ITGA4: variants seen among roughly 807,000 people sequenced by gnomAD.
The protein encoded by ITGA4 is integrin alpha-4.
A neutral mutation model predicts 133.6 loss-of-function variants in ITGA4; 63 were observed. The observed-to-expected ratio is 0.47, with a 90% CI of 0.38 to 0.58. ITGA4 has a LOEUF of 0.58. Ranked by LOEUF, ITGA4 falls within the 20% of genes least tolerant of loss-of-function variation. The pLI, the probability that ITGA4 is intolerant of heterozygous loss-of-function variation, is 0.00. For missense variants in ITGA4, 1,076 were observed against 1,252.7 expected (o/e 0.86, Z 2.13); for synonymous variants, 483 against 438.0 (o/e 1.10, Z -1.28).
At chr2:181,534,407 AG>A (rs1282364643) in intron 26 of ITGA4, 37 bp downstream of exon 26, 2 of 1,178,988 alleles carry the variant, frequency 1.7e-6, no homozygotes, top group Non-Finnish European at 2.5e-6. Context: ...TTAAAATTAT[AG>A]GAAAACACAT....
chr2:181,516,117 T>G lies in ITGA4; in HGVS notation c.1922+4342T>G, dbSNP rs1686601361. On this transcript the variant is annotated intron_variant, in intron 17 of 27. Coordinates refer to ENST00000397033, the MANE Select transcript of ITGA4 (RefSeq NM_000885.6). The surrounding 1 kb of genome is among the most constrained non-coding windows in gnomAD (Gnocchi z 4.0). ...AGATGAACCAACACGACTTCAAGAT[T>G]ACAAATATAATAGAAGGTATTAGCC... is the stretch of plus-strand genomic sequence containing the variant. Among the ~76,000 whole-genome samples the G allele has an allele frequency of 6.6e-6, 1 of 152,048 alleles. No homozygotes were observed. Among genetic ancestry groups the G allele is most frequent in the Non-Finnish European group, 1.5e-5 (1 of 67,976 alleles).
intron 4 of ITGA4, among the ~76,000 whole-genome samples, chr2:181,476,802 A>T (rs1273180649): frequency 6.6e-6 from 1 of 152,188 alleles, no homozygotes; most frequent in African/African-American, 2.4e-5. Flanking sequence ...AAATAACGAG[A>T]TTATGTCCTT....
At chr2:181,467,102 T>A (rs1685436961) in intron 2 of ITGA4, among the ~76,000 whole-genome samples, 1 of 152,196 alleles carries the variant, frequency 6.6e-6, no homozygotes, top group African/African-American at 2.4e-5. Flanking sequence ...CTTGAATGAA[T>A]GACTCTTTAT....
intron 17 of ITGA4, among the ~76,000 whole-genome samples, chr2:181,521,114 A>G (rs993794564): frequency 2.0e-5 from 3 of 152,206 alleles, no homozygotes; most frequent in Admixed American, 2.0e-4. Context: ...TTTTTTATCT[A>G]TCCTCACCTG....
At chr2:181,532,219 G>A (rs1686958789) in intron 25 of ITGA4, among the ~76,000 whole-genome samples, 2 of 152,280 alleles carry the variant, frequency 1.3e-5, no homozygotes, top group African/African-American at 2.4e-5. Context: ...TTTTGCTTAG[G>A]ATTGTCTTGA....
intron 2 of ITGA4, among the ~76,000 whole-genome samples, chr2:181,464,268 T>A (rs1685358823): frequency 6.6e-6 from 1 of 152,100 alleles, no homozygotes; most frequent in African/African-American, 2.4e-5. Flanking sequence ...ATTTAGAGAA[T>A]TAGTTCATTA....
At chr2:181,494,886 G>C (rs165419) in intron 12 of ITGA4, 74 bp downstream of exon 12, 1 of 799,400 alleles carries the variant, frequency 1.3e-6, no homozygotes, top group Non-Finnish European at 2.2e-6. Flanking sequence ...AGTGAAGTAC[G>C]TAAAACTGGT....
rs1290706382 is a variant in ITGA4 at position 181,538,079 on chromosome 2, A to G, written c.*2552A>G. 7.8e-6 allele frequency: 6 copies of G among 768,424 alleles called. No homozygotes were observed. The highest frequency in any genetic ancestry group is 1.4e-5 in the South Asian group (1 of 69,442). 47.6% of individuals were successfully genotyped at this position (768,424 alleles called of 1,614,324 possible). ...CCCATCCACGGAAAAATTGTCTTCCATGAAACTGGTCCCAAAAAGGGTGGG... is the reference window on the plus strand; with the variant it reads ...CCCATCCACGGAAAAATTGTCTTCCGTGAAACTGGTCCCAAAAAGGGTGGG... On this transcript the variant is annotated 3_prime_UTR_variant, in exon 28 of 28. Transcript: ENST00000397033.
chr2:181,530,798 G>C (rs1295228086), intron 24 of ITGA4, 149 bp downstream of exon 24: 2 of 696,934 alleles, frequency 2.9e-6, no homozygotes, highest in Non-Finnish European at 4.8e-6. Flanking sequence ...AACAAGCATG[G>C]TTGGAAAGTT....
rs1267891056 is a variant in ITGA4 at position 181,536,770 on chromosome 2, T to TCATTTTTGTAATATTTATTTTATG, written c.*1245_*1268dup. ...TTTTAAAAAATTTCTTTAAATACAA[T>TCATTTTTGTAATATTTATTTTATG]CATTTTTGTAATATTTATTTTATGC... On this transcript the variant is annotated 3_prime_UTR_variant, in exon 28 of 28. Transcript: ENST00000397033. The TCATTTTTGTAATATTTATTTTATG allele has an allele frequency of 1.3e-4, 33 of 247,754 alleles. No homozygotes were observed. Among genetic ancestry groups the TCATTTTTGTAATATTTATTTTATG allele is most frequent in the Non-Finnish European group, 1.9e-4 (24 of 123,210 alleles). 15.3% of individuals were successfully genotyped at this position (247,754 alleles called of 1,614,324 possible). A position where few individuals can be genotyped will look rare whatever the true frequency, so the allele number is the denominator to read the frequency against.
Position 181,457,472 on chromosome 2 carries a change from G to T in ITGA4, c.-183G>T. ...AGTGCGCGGCATCCCAGGCCGGCCCGAACGCTCCGCCCGCGGTGGGCCGAC... is the reference window on the plus strand; with the variant it reads ...AGTGCGCGGCATCCCAGGCCGGCCCTAACGCTCCGCCCGCGGTGGGCCGAC... On this transcript the variant is annotated 5_prime_UTR_variant, in exon 1 of 28. Transcript: ENST00000397033. 3.4e-6 allele frequency: 2 copies of T among 595,170 alleles called. No individual in the cohort carries two copies. The highest frequency in any genetic ancestry group is 5.7e-6 in the Non-Finnish European group (2 of 350,018). The allele number at this position is 595,170 out of a possible 1,614,324, so 36.9% of individuals were successfully genotyped here. A position where few individuals can be genotyped will look rare whatever the true frequency, so the allele number is the denominator to read the frequency against.
intron 15 of ITGA4, among the ~76,000 whole-genome samples, chr2:181,506,476 T>G (rs1293987850): frequency 2.0e-5 from 3 of 152,060 alleles, no homozygotes; most frequent in Admixed American, 2.0e-4. Flanking sequence ...TAATAAGTGG[T>G]GGACCCCAGA....
At chr2:181,513,101 T>G (rs1223549601) in intron 17 of ITGA4, among the ~76,000 whole-genome samples, 1 of 152,102 alleles carries the variant, frequency 6.6e-6, no homozygotes, top group Non-Finnish European at 1.5e-5. Flanking sequence ...TTAGTAGTTA[T>G]TTAGCCCTTT....
chr2:181,458,238 T>A lies in ITGA4; in HGVS notation c.240T>A (p.Ala80=). 6.2e-7 allele frequency: 1 copy of A among 1,613,716 alleles called. No individual in the cohort carries two copies. Among genetic ancestry groups the A allele is most frequent in the East Asian group, 2.2e-5 (1 of 44,848 alleles). Residue 80 remains alanine, a synonymous_variant, in exon 2 of 28, where the codon GCT becomes GCA. Transcript: ENST00000397033. The stretch of plus-strand genomic sequence containing the variant: ...CCACTGCCAACTGGCTCGCCAACGC[T>A]TCAGTGATCAATCCCGGGGCGATTT... ...GAPTANWLAN[A]SVINPGAIYR... is the part of the protein sequence containing the mutation.
Position 181,495,449 on chromosome 2 carries a change from AT to A in ITGA4, c.1385+36del. ...TGATATATTTCACTGCTTAATTGCAATTTGGTTTAATTGTAAAATGATGGGA... is the reference window on the plus strand; with the variant it reads ...TGATATATTTCACTGCTTAATTGCAATTGGTTTAATTGTAAAATGATGGGA... On this transcript the variant is annotated intron_variant, in intron 13 of 27. Transcript: ENST00000397033. This position sits in a 1 kb window ranked among gnomAD's most constrained non-coding sequence, Gnocchi z 4.3. 3 of 1,504,270 alleles carry A rather than the reference AT, an allele frequency of 2.0e-6. No homozygotes were observed. The highest frequency in any genetic ancestry group is 2.8e-6 in the Non-Finnish European group (3 of 1,080,540). The allele number at this position is 1,504,270 out of a possible 1,614,324, so 93.2% of individuals were successfully genotyped here. A position where few individuals can be genotyped will look rare whatever the true frequency, so the allele number is the denominator to read the frequency against.
intron 4 of ITGA4, 91 bp downstream of exon 4, chr2:181,475,379 A>T: frequency 1.0e-6 from 1 of 1,003,176 alleles, no homozygotes; most frequent in Non-Finnish European, 1.5e-6. Flanking sequence ...AGATGTTCAG[A>T]GGAGAGGGAG....
At chr2:181,525,408 T>C (rs1686813971) in intron 21 of ITGA4, 117 bp downstream of exon 21, 5 of 580,014 alleles carry the variant, frequency 8.6e-6, no homozygotes, top group Non-Finnish European at 3.0e-6. Flanking sequence ...GGATACTCTA[T>C]CTTTTAATAA....
At chr2:181,461,827 G>A (rs1243720171) in intron 2 of ITGA4, among the ~76,000 whole-genome samples, 1 of 152,082 alleles carries the variant, frequency 6.6e-6, no homozygotes, top group African/African-American at 2.4e-5. Flanking sequence ...ACTAACCACA[G>A]GTGGCTTTGA....
chr2:181,489,612 G>A (rs375066670), intron 10 of ITGA4, among the ~76,000 whole-genome samples: 1 of 152,068 alleles, frequency 6.6e-6, no homozygotes, highest in Non-Finnish European at 1.5e-5. Context: ...ATTATTTTGT[G>A]TGCACCTGAA....
Sources: gnomAD v4.1 joint callset for allele counts (sites outside exome capture counted in the v4.1 genomes callset) on GRCh38, gnomAD v4.1.1 for gene constraint, Gnocchi (gnomAD v3.1) non-coding constraint, MANE v1.5 for transcripts, NCBI Gene and HGNC (gene_info 2026-07-23, HGNC 2026-07-21) for gene names.